The following MPPED2 variants were observed in gnomAD, a reference collection of about 807,000 sequenced individuals.
MPPED2 encodes metallophosphoesterase MPPED2.
In MPPED2, 5 loss-of-function variants were observed where a neutral mutation model predicts 33.0. That is an observed-to-expected ratio of 0.15 (90% CI 0.08 to 0.32). MPPED2 has a LOEUF of 0.32. Among genes scored for constraint, MPPED2 ranks in the 10% least tolerant of loss-of-function variants. The pLI, the probability that MPPED2 is intolerant of heterozygous loss-of-function variation, is 1.00. For synonymous variants in MPPED2, 136 were observed against 141.9 expected, an observed-to-expected ratio of 0.96 and a Z score of 0.29; for missense variants, 275 against 372.1, an observed-to-expected ratio of 0.74 and a Z score of 2.15.
At chr11:30,428,117 G>GAAGAT in intron 4 of MPPED2, among the ~76,000 whole-genome samples, 1 of 151,942 alleles carries the variant, frequency 6.6e-6, no homozygotes, top group Non-Finnish European at 1.5e-5. Flanking sequence ...TTCCATATGT[G>GAAGAT]GCAATAAAAA....
At chr11:30,411,748 A>G (rs1948113737) in intron 6 of MPPED2, among the ~76,000 whole-genome samples, 162 bp from the exon 7 acceptor site, 1 of 152,174 alleles carries the variant, frequency 6.6e-6, no homozygotes, top group South Asian at 2.1e-4. Flanking sequence ...CTACTGCCCA[A>G]TTTTACTCTA....
intron 4 of MPPED2, among the ~76,000 whole-genome samples, chr11:30,467,669 C>G (rs569281527): frequency 1.3e-5 from 2 of 152,306 alleles, no homozygotes; most frequent in East Asian, 3.9e-4. Context: ...AGACAAGACT[C>G]AGATTTAGAT....
downstream of MPPED2, among the ~76,000 whole-genome samples, chr11:30,384,251 G>A (rs1947676678): frequency 6.6e-6 from 1 of 152,074 alleles, no homozygotes. Flanking sequence ...CTTCTACTCT[G>A]TAATGTTATG....
At chr11:30,525,063 C>G (rs1020331351) in intron 3 of MPPED2, among the ~76,000 whole-genome samples, 1 of 152,186 alleles carries the variant, frequency 6.6e-6, no homozygotes, top group Non-Finnish European at 1.5e-5. Flanking sequence ...ACAAAGCCCC[C>G]AGTCCTAGGC....
intron 4 of MPPED2, among the ~76,000 whole-genome samples, chr11:30,443,575 T>C (rs945572796): frequency 3.9e-5 from 6 of 152,024 alleles, no homozygotes; most frequent in Middle Eastern, 3.2e-3. Flanking sequence ...GACTAAATAA[T>C]CCAAAAGATG....
chr11:30,551,262 C>T lies in MPPED2; in HGVS notation c.129-15087G>A, dbSNP rs10835688. Among the ~76,000 whole-genome samples the T allele has an allele frequency of 1.5e-3, 228 of 152,264 alleles. 5 individuals carry two copies. In the East Asian group the frequency reaches 0.04, roughly 27 times the overall value. ...CTTTATGAACATTACCTCATCCATT[C>T]CTTGAGAGAACCCTATAAGGTAGGT... On this transcript the variant is annotated intron_variant, in intron 2 of 6. Transcript: ENST00000358117.
downstream of MPPED2, among the ~76,000 whole-genome samples, chr11:30,407,897 A>C (rs1948014988): frequency 6.6e-6 from 1 of 152,036 alleles, no homozygotes; most frequent in Non-Finnish European, 1.5e-5. Context: ...ATAAATAAAT[A>C]AATAAGTAAA....
At chr11:30,452,062 A>G in intron 4 of MPPED2, 1 of 985,382 alleles carries the variant, frequency 1.0e-6, no homozygotes, top group Non-Finnish European at 1.2e-6. Context: ...GCCCAAAGCC[A>G]CCTCAGCTTC....
intron 4 of MPPED2, among the ~76,000 whole-genome samples, chr11:30,426,683 A>G (rs1439931122): frequency 2.6e-5 from 4 of 152,260 alleles, no homozygotes; most frequent in Non-Finnish European, 5.9e-5. Context: ...CATAGGTAGC[A>G]GTGCCCTGGA....
intron 6 of MPPED2, among the ~76,000 whole-genome samples, chr11:30,394,914 C>A (rs1430879950): frequency 6.6e-6 from 1 of 152,100 alleles, no homozygotes; most frequent in Non-Finnish European, 1.5e-5. Flanking sequence ...CTTTTTTCTG[C>A]ATGTGAAGTT....
At chr11:30,403,933 C>T (rs965445122) in intron 6 of MPPED2, among the ~76,000 whole-genome samples, 1 of 152,082 alleles carries the variant, frequency 6.6e-6, no homozygotes, top group African/African-American at 2.4e-5. Flanking sequence ...TATGTAGTAC[C>T]CTTTCTCTTC....
chr11:30,518,683 C>T (rs1417541082), intron 3 of MPPED2, among the ~76,000 whole-genome samples: 2 of 152,114 alleles, frequency 1.3e-5, no homozygotes, highest in African/African-American at 4.8e-5. Context: ...CCTACGTTAG[C>T]TGACTTTTTT....
intron 4 of MPPED2, among the ~76,000 whole-genome samples, chr11:30,426,685 T>G (rs1356251252): frequency 1.3e-5 from 2 of 152,238 alleles, no homozygotes; most frequent in Non-Finnish European, 2.9e-5. Context: ...TAGGTAGCAG[T>G]GCCCTGGACA....
At chr11:30,546,283 A>G (rs1228392721) in intron 2 of MPPED2, among the ~76,000 whole-genome samples, 1 of 152,182 alleles carries the variant, frequency 6.6e-6, no homozygotes, top group Non-Finnish European at 1.5e-5. Flanking sequence ...GGCCTCAAAC[A>G]TGTCTTCACT....
chr11:30,583,128 CTTTTTCTTTTTTTTTTTTTT>C (rs1957250680), intron 1 of MPPED2, among the ~76,000 whole-genome samples: 1 of 92,846 alleles, frequency 1.1e-5, no homozygotes, highest in Admixed American at 1.2e-4. Flanking sequence ...CTGGAAAAGA[CTTTTTCTTTTTTTTTTTTTT>C]TTTTTTTTTT....
chr11:30,398,802 G>C (rs765426467), intron 6 of MPPED2, among the ~76,000 whole-genome samples: 1 of 152,126 alleles, frequency 6.6e-6, no homozygotes, highest in Non-Finnish European at 1.5e-5. Context: ...GCATGAAATG[G>C]TATGTATCAG....
chr11:30,494,617 A>C (rs2134202342), intron 4 of MPPED2, among the ~76,000 whole-genome samples: 1 of 152,010 alleles, frequency 6.6e-6, no homozygotes, highest in South Asian at 2.1e-4. Flanking sequence ...ATGTGCCTGT[A>C]ATCCCAGGTA....
chr11:30,571,721 T>C (rs1002224836), intron 2 of MPPED2, among the ~76,000 whole-genome samples: 1 of 152,176 alleles, frequency 6.6e-6, no homozygotes, highest in Non-Finnish European at 1.5e-5. Context: ...TCAGTAAGCT[T>C]CTCCTTTTTG....
chr11:30,446,551 C>T (rs117962715), intron 4 of MPPED2, among the ~76,000 whole-genome samples: 2 of 151,726 alleles, frequency 1.3e-5, no homozygotes, highest in East Asian at 1.9e-4. Context: ...CATGTGTGTT[C>T]GCTTGCTGCA....
Sources: allele counts gnomAD v4.1 joint callset (sites outside exome capture counted in the v4.1 genomes callset), GRCh38; gene constraint gnomAD v4.1.1; transcripts MANE v1.5; gene names NCBI Gene and HGNC (gene_info 2026-07-23, HGNC 2026-07-21).